The following LAMP3 variants were observed in gnomAD, a reference collection of about 807,000 sequenced individuals.
LAMP3 encodes the protein lysosome-associated membrane glycoprotein 3.
A neutral mutation model predicts 34.8 loss-of-function variants in LAMP3; 26 were observed. The observed-to-expected ratio is 0.75, with a 90% CI of 0.55 to 1.04. The LOEUF (loss-of-function observed/expected upper bound fraction) is 1.04, where lower values mean the gene tolerates loss of function less well. Ranked by LOEUF, LAMP3 falls within the 50% of genes least tolerant of loss-of-function variation. The pLI, the probability that LAMP3 is intolerant of heterozygous loss-of-function variation, is 0.00. For missense variants in LAMP3, 495 were observed against 524.0 expected (o/e 0.94, Z 0.54); for synonymous variants, 180 against 201.9 (o/e 0.89, Z 0.92).
At chr3:183,140,770 A>G (rs1447688850) in intron 3 of LAMP3, among the ~76,000 whole-genome samples, 175 bp from the exon 4 acceptor site, 1 of 152,206 alleles carries the variant, frequency 6.6e-6, no homozygotes, top group Admixed American at 6.5e-5. Flanking sequence ...ACATACCACA[A>G]ATAAATAAAT....
At chr3:183,132,055 T>C (rs751343700) in intron 5 of LAMP3, 14 of 985,080 alleles carry the variant, frequency 1.4e-5, no homozygotes, top group African/African-American at 1.7e-5. Flanking sequence ...ATGGTCCAAA[T>C]GGACACATTT....
In LAMP3 at chr3:183,122,353, T is replaced by C. The variant is rs1719691127; in HGVS notation, c.*1728A>G. On this transcript the variant is annotated 3_prime_UTR_variant, in exon 6 of 6. Transcript: ENST00000265598. The stretch of plus-strand genomic sequence containing the variant: ...ACATGGTCTCTAGGCTGACTTGAAT[T>C]ATTCCTTGACTAAGAATTCTAGGGT... 1 of 152,250 alleles carries C rather than the reference T, an allele frequency of 6.6e-6. No individual in the cohort carries two copies. Among genetic ancestry groups the C allele is most frequent in the African/African-American group, 2.4e-5 (1 of 41,470 alleles). The allele number at this position is 152,250 out of a possible 1,614,324, so 9.4% of individuals were successfully genotyped here.
chr3:183,158,716 T>C (rs1272876658), intron 1 of LAMP3, among the ~76,000 whole-genome samples: 1 of 152,116 alleles, frequency 6.6e-6, no homozygotes, highest in Middle Eastern at 3.2e-3. Context: ...AGCCAGTCCC[T>C]TCCCAGACAG....
Position 183,146,998 on chromosome 3 carries a change from C to T in LAMP3, c.888+5377G>A, listed in dbSNP as rs1051456586. 1.5e-4 allele frequency among the ~76,000 whole-genome samples: 23 copies of T among 150,734 alleles called. No homozygotes were observed. The East Asian group carries it at 1.8e-3, about 12-fold the overall frequency. ...AGCAACTGTGCCTGTTATTCCAGCACTTTGGGAGGCCGAGGCAGGTGGATC... is the reference window on the plus strand; with the variant it reads ...AGCAACTGTGCCTGTTATTCCAGCATTTTGGGAGGCCGAGGCAGGTGGATC... On this transcript the variant is annotated intron_variant, in intron 3 of 5. Transcript: ENST00000265598.
intron 3 of LAMP3, among the ~76,000 whole-genome samples, chr3:183,141,862 G>T (rs1050841089): frequency 6.6e-6 from 1 of 152,226 alleles, no homozygotes; most frequent in South Asian, 2.1e-4. Context: ...AATGAGGCTG[G>T]GTGACTTGCT....
At chr3:183,126,494 A>C (rs1719782246) in intron 5 of LAMP3, among the ~76,000 whole-genome samples, 1 of 152,084 alleles carries the variant, frequency 6.6e-6, no homozygotes, top group African/African-American at 2.4e-5. Flanking sequence ...TATTTGAATC[A>C]ATCACTATAA....
At chr3:183,124,639 C>G (rs1388888133) in intron 5 of LAMP3, among the ~76,000 whole-genome samples, 2 of 152,216 alleles carry the variant, frequency 1.3e-5, no homozygotes, top group South Asian at 2.1e-4. Context: ...TTGAGACCAG[C>G]CTGACCAACA....
In LAMP3 at chr3:183,123,946, C is replaced by T; in HGVS notation, c.*135G>A. On this transcript the variant is annotated 3_prime_UTR_variant, in exon 6 of 6. Coordinates refer to ENST00000265598, the MANE Select transcript of LAMP3 (RefSeq NM_014398.4). The stretch of plus-strand genomic sequence containing the variant: ...GCCTGAACTTAAATCACACATGACT[C>T]ACTTCATTTGAATAGAAGATGGTGG... 1.2e-6 allele frequency: 1 copy of T among 853,284 alleles called. No homozygotes were observed. The highest frequency in any genetic ancestry group is 1.7e-5 in the South Asian group (1 of 59,150). 52.9% of individuals were successfully genotyped at this position (853,284 alleles called of 1,614,324 possible).
At chr3:183,143,759 C>A (rs1720356941) in intron 3 of LAMP3, among the ~76,000 whole-genome samples, 2 of 152,288 alleles carry the variant, frequency 1.3e-5, no homozygotes, top group South Asian at 4.1e-4. Context: ...GAGGCTTAGA[C>A]AATTGTACCA....
At chr3:183,149,055 C>T (rs73056070) in intron 3 of LAMP3, among the ~76,000 whole-genome samples, 4,823 of 152,098 alleles carry the variant, frequency 0.032, 255 homozygotes, top group African/African-American at 0.11. Context: ...TGGATGCAAC[C>T]GGAGGTCATC....
chr3:183,144,295 G>A (rs575207890), intron 3 of LAMP3, among the ~76,000 whole-genome samples: 3 of 152,122 alleles, frequency 2.0e-5, no homozygotes, highest in Non-Finnish European at 4.4e-5. Context: ...ATGCGAAGTC[G>A]GGGTGAGCAC....
intron 3 of LAMP3, among the ~76,000 whole-genome samples, chr3:183,147,926 A>C (rs1720495417): frequency 6.6e-6 from 1 of 152,176 alleles, no homozygotes; most frequent in East Asian, 1.9e-4. Context: ...TATGTTGCCC[A>C]GGCTGATCTC....
chr3:183,148,006 C>T (rs1720498003), intron 3 of LAMP3, among the ~76,000 whole-genome samples: 1 of 152,092 alleles, frequency 6.6e-6, no homozygotes, highest in African/African-American at 2.4e-5. Context: ...TGTGAGTCAC[C>T]ACTCCAGCCA....
chr3:183,128,741 C>CAG (rs1412980085), intron 5 of LAMP3, among the ~76,000 whole-genome samples: 13 of 152,072 alleles, frequency 8.5e-5, no homozygotes, highest in Admixed American at 8.5e-4. Context: ...GGGGTTTCGC[C>CAG]ATGTTGCCCA....
At chr3:183,130,365 A>T (rs1452645515) in intron 5 of LAMP3, among the ~76,000 whole-genome samples, 2 of 151,758 alleles carry the variant, frequency 1.3e-5, no homozygotes, top group African/African-American at 4.8e-5. Flanking sequence ...TCACTATGTT[A>T]GCTAGGATGG....
intron 1 of LAMP3, among the ~76,000 whole-genome samples, chr3:183,155,855 T>A (rs1720807524): frequency 6.6e-6 from 1 of 152,196 alleles, no homozygotes; most frequent in Non-Finnish European, 1.5e-5. Context: ...ACAACAGCAT[T>A]GTAGGCCTTT....
chr3:183,125,143 G>A (rs1719753246), intron 5 of LAMP3, among the ~76,000 whole-genome samples: 1 of 152,184 alleles, frequency 6.6e-6, no homozygotes, highest in South Asian at 2.1e-4. Flanking sequence ...GGAGGGGTCT[G>A]GGGTAAAAGG....
In LAMP3 at chr3:183,153,774, C is replaced by T. The variant is rs1420041910; in HGVS notation, c.667G>A (p.Val223Ile). 2 of 1,570,918 alleles carry T rather than the reference C, an allele frequency of 1.3e-6. No individual in the cohort carries two copies. The highest frequency in any genetic ancestry group is 2.4e-5 in the South Asian group (2 of 82,126). The part of the protein sequence containing the change: ...GPTLAPQPSS[V>I]KTGIYQVLNG... Reference sequence around the variant, plus strand: ...AGAACCTGATAAATTCCAGTCTTGACTGACGATGGCTGAGGTGCAAGGGTG... The same window carrying T: ...AGAACCTGATAAATTCCAGTCTTGATTGACGATGGCTGAGGTGCAAGGGTG... The change falls in exon 2 of 6, where the codon GTC becomes ATC. Residue 223 changes from valine to isoleucine, a missense_variant. Transcript: ENST00000265598.
chr3:183,153,413 G>A (rs895732451), intron 2 of LAMP3, among the ~76,000 whole-genome samples: 3 of 152,122 alleles, frequency 2.0e-5, no homozygotes, highest in Admixed American at 6.5e-5. Context: ...AACATTCTAC[G>A]ACACTCTGCC....
Sources: allele counts gnomAD v4.1 joint callset (sites outside exome capture counted in the v4.1 genomes callset), GRCh38; gene constraint gnomAD v4.1.1; transcripts MANE v1.5; gene names NCBI Gene and HGNC (gene_info 2026-07-23, HGNC 2026-07-21).